MIDEAS: variants seen among roughly 807,000 people sequenced by gnomAD.
The protein encoded by MIDEAS is mitotic deacetylase-associated SANT domain protein.
MIDEAS carries 26 observed loss-of-function variants against 102.7 expected under a neutral mutation model. The ratio of observed to expected loss-of-function variants is 0.25; its 90% CI spans 0.19 to 0.35. MIDEAS has a LOEUF of 0.35. MIDEAS is among the 10% of genes least tolerant of loss of function. The probability of loss-of-function intolerance (pLI) is 1.00; values close to 1 mark genes in which losing one functional copy is unlikely to be tolerated. For synonymous variants in MIDEAS, 585 were observed against 591.0 expected, an observed-to-expected ratio of 0.99 and a Z score of 0.15; for missense variants, 1,231 against 1,435.6, an observed-to-expected ratio of 0.86 and a Z score of 2.30.
chr14:73,779,570 A>T lies in MIDEAS; in HGVS notation c.-248+7532T>A, dbSNP rs1199764822. On this transcript the variant is annotated intron_variant, in intron 1 of 11. Transcript: ENST00000394071. ...TTTTAATTTGTTTATTATTATTATT[A>T]TTATTTTTTTTTTTTTTTGAGACGG... 8.5e-3 allele frequency among the ~76,000 whole-genome samples: 509 copies of T among 60,120 alleles called. 6 individuals are homozygous for T. Among genetic ancestry groups the T allele is most frequent in the Middle Eastern group, 0.029 (3 of 102 alleles). 39.4% of individuals were successfully genotyped at this position (60,120 alleles called of 152,430 possible).
chr14:73,752,144 G>A (rs1232660412), intron 1 of MIDEAS, among the ~76,000 whole-genome samples: 1 of 152,004 alleles, frequency 6.6e-6, no homozygotes, highest in Admixed American at 6.6e-5. Context: ...TATATTCATC[G>A]CACATCCCGA....
At position 73,746,088 on chromosome 14, in the gene MIDEAS, G is replaced by C. The variant is rs1030651342; in HGVS notation, c.-247-5833C>G. Among the ~76,000 whole-genome samples the C allele has an allele frequency of 3.3e-5, 5 of 152,216 alleles. No homozygotes were observed. The East Asian group carries it at 9.6e-4, about 29-fold the overall frequency. On this transcript the variant is annotated intron_variant, in intron 1 of 12. Coordinates refer to ENST00000423556, the MANE Select transcript of MIDEAS (RefSeq NM_001367710.1). ...TTACACAGTAAAAATGCCAACCACT[G>C]AGATGCTTTTAAAGGGATGTGTAAG...
At chr14:73,745,758 C>T (rs529726535) in intron 1 of MIDEAS, among the ~76,000 whole-genome samples, 1 of 152,362 alleles carries the variant, frequency 6.6e-6, no homozygotes, top group South Asian at 2.1e-4. Context: ...CTGCAAGCCA[C>T]TGGACACATA....
At chr14:73,727,310 G>A (rs1272391867) in intron 5 of MIDEAS, 148 bp downstream of exon 5, 6 of 834,258 alleles carry the variant, frequency 7.2e-6, no homozygotes, top group Non-Finnish European at 1.9e-6. Flanking sequence ...GGACAGCAAA[G>A]CCCAGGGCCA....
intron 1 of MIDEAS, among the ~76,000 whole-genome samples, chr14:73,776,345 G>A (rs149256275): frequency 1.4e-4 from 21 of 151,944 alleles, no homozygotes; most frequent in Middle Eastern, 6.8e-3. Context: ...AAAGCTCAGC[G>A]GGAGGCTAAG....
chr14:73,754,351 C>T (rs1321544548), intron 1 of MIDEAS, among the ~76,000 whole-genome samples: 3 of 152,210 alleles, frequency 2.0e-5, no homozygotes, highest in Non-Finnish European at 4.4e-5. Flanking sequence ...ATCCAGCCTC[C>T]CAACCACAGG....
At chr14:73,719,655 C>CATTG (rs1173040996) in intron 11 of MIDEAS, among the ~76,000 whole-genome samples, 154 bp from the exon 12 acceptor site, 1 of 151,698 alleles carries the variant, frequency 6.6e-6, no homozygotes, top group Non-Finnish European at 1.5e-5. Context: ...ATATGACGAC[C>CATTG]ATTGCCTCCT....
At chr14:73,731,263 T>G (rs1243644684) in intron 3 of MIDEAS, among the ~76,000 whole-genome samples, 1 of 152,230 alleles carries the variant, frequency 6.6e-6, no homozygotes, top group Non-Finnish European at 1.5e-5. Flanking sequence ...CAGGTAAGGT[T>G]GGCCATGTTG....
In MIDEAS at chr14:73,715,194, A is replaced by T. The variant is rs946534435; in HGVS notation, c.*3649T>A. On this transcript the variant is annotated 3_prime_UTR_variant, in exon 13 of 13. Transcript: ENST00000423556. ...ACATTCAAAAGTAAATAAGTTACAT[A>T]GGTACATTACAATCACATCAGCAAG... 6.5e-6 allele frequency: 1 copy of T among 152,680 alleles called. No individual in the cohort carries two copies. Among genetic ancestry groups the T allele is most frequent in the African/African-American group, 2.4e-5 (1 of 41,468 alleles). The allele number at this position is 152,680 out of a possible 1,614,324, so 9.5% of individuals were successfully genotyped here. A position where few individuals can be genotyped will look rare whatever the true frequency, so the allele number is the denominator to read the frequency against.
Position 73,718,759 on chromosome 14 carries a change from C to T in MIDEAS, c.*84G>A. 2 of 1,299,594 alleles carry T rather than the reference C, an allele frequency of 1.5e-6. No individual in the cohort carries two copies. Among genetic ancestry groups the T allele is most frequent in the Non-Finnish European group, 2.0e-6 (2 of 1,014,860 alleles). The allele number at this position is 1,299,594 out of a possible 1,614,324, so 80.5% of individuals were successfully genotyped here. ...CCCTGCAATCCTCTCCTCACTCCCT[C>T]TTGAGATGCCAGGGTGTCTGCGGGC... On this transcript the variant is annotated 3_prime_UTR_variant, in exon 13 of 13. Transcript: ENST00000423556.
Position 73,737,948 on chromosome 14 carries a change from A to T in MIDEAS, c.1449+612T>A, listed in dbSNP as rs753706567. On this transcript the variant is annotated intron_variant, in intron 2 of 12. Transcript: ENST00000423556. ...AGGCGTGCAGTACCACACCTGGCTAATTTTTGTGTTTTTTGGTAGAGATAG... is the reference window on the plus strand; with the variant it reads ...AGGCGTGCAGTACCACACCTGGCTATTTTTTGTGTTTTTTGGTAGAGATAG... Among the ~76,000 whole-genome samples, 105 of 150,126 alleles carry T rather than the reference A, an allele frequency of 7.0e-4. 1 individual carries two copies. The highest frequency in any genetic ancestry group is 1.1e-3 in the Non-Finnish European group (75 of 67,850).
upstream of MIDEAS, among the ~76,000 whole-genome samples, chr14:73,764,645 C>T (rs1472774771): frequency 4.6e-5 from 7 of 152,340 alleles, no homozygotes; most frequent in South Asian, 1.5e-3. Flanking sequence ...ACCGCGAGCT[C>T]ACAACCACCC....
intron 1 of MIDEAS, among the ~76,000 whole-genome samples, chr14:73,748,570 C>T (rs2053382050): frequency 6.6e-6 from 1 of 151,050 alleles, no homozygotes; most frequent in Non-Finnish European, 1.5e-5. Flanking sequence ...AAAAGAGATA[C>T]CATTGTAAAC....
Position 73,718,571 on chromosome 14 carries a change from C to T in MIDEAS, c.*272G>A. The T allele has an allele frequency of 3.1e-6, 1 of 318,222 alleles. No homozygotes were observed. Among genetic ancestry groups the T allele is most frequent in the Non-Finnish European group, 5.7e-6 (1 of 175,946 alleles). The allele number at this position is 318,222 out of a possible 1,614,324, so 19.7% of individuals were successfully genotyped here. ...GTGTGAGAGGCGGTGGAGTCCCTCC[C>T]GAGGGGACCGGGACTCTCCCGGTCC... is the stretch of plus-strand genomic sequence containing the variant. On this transcript the variant is annotated 3_prime_UTR_variant, in exon 13 of 13. Transcript: ENST00000423556.
At chr14:73,778,741 C>T (rs1461260623) in intron 1 of MIDEAS, among the ~76,000 whole-genome samples, 1 of 152,030 alleles carries the variant, frequency 6.6e-6, no homozygotes, top group Non-Finnish European at 1.5e-5. Flanking sequence ...TGCCCTCTCC[C>T]AGCCCCACAC....
In MIDEAS at chr14:73,715,685, G is replaced by A. The variant is rs1043566993; in HGVS notation, c.*3158C>T. On this transcript the variant is annotated 3_prime_UTR_variant, in exon 13 of 13. Transcript: ENST00000423556. Reference sequence around the variant, plus strand: ...ATAATAAATACCGTCCCAGAAAAGCGAGCCCCAGTGAAAACAACTAAACAG... The same window carrying A: ...ATAATAAATACCGTCCCAGAAAAGCAAGCCCCAGTGAAAACAACTAAACAG... 1.3e-5 allele frequency: 2 copies of A among 152,552 alleles called. No individual in the cohort carries two copies. Among genetic ancestry groups the A allele is most frequent in the African/African-American group, 2.4e-5 (1 of 41,430 alleles). The allele number at this position is 152,552 out of a possible 1,614,324, so 9.4% of individuals were successfully genotyped here.
chr14:73,739,663 C>A lies in MIDEAS; in HGVS notation c.346G>T (p.Val116Phe). The change falls in exon 2 of 13, where the codon GTC (valine) becomes TTC (phenylalanine). Residue 116 changes from valine (V) to phenylalanine (F), a missense_variant. By Grantham distance (50) the Val-to-Phe change is conservative. Coordinates refer to ENST00000423556, the MANE Select transcript of MIDEAS (RefSeq NM_001367710.1). ...RGPERGGGGGVSDSSWQQQPG... is the reference protein window; with the variant it reads ...RGPERGGGGGFSDSSWQQQPG... ...TGCTGCTGCCAGCTGCTGTCACTGA[C>A]ACCCCCACCTCCTCCACGCTCCGGG... 1 of 1,613,802 alleles carries A rather than the reference C, an allele frequency of 6.2e-7. No individual in the cohort carries two copies. The highest frequency in any genetic ancestry group is 8.5e-7 in the Non-Finnish European group (1 of 1,179,912).
chr14:73,752,839 A>G (rs1381570173), intron 1 of MIDEAS, among the ~76,000 whole-genome samples: 1 of 152,238 alleles, frequency 6.6e-6, no homozygotes, highest in African/African-American at 2.4e-5. Flanking sequence ...ATACACCCAG[A>G]GGCCTTTGGC....
intron 3 of MIDEAS, 129 bp downstream of exon 3, chr14:73,736,869 A>C (rs2053206859): frequency 1.0e-6 from 1 of 987,190 alleles, no homozygotes; most frequent in East Asian, 2.6e-5. Context: ...TTGGTTTGGA[A>C]AATAAAAATA....
Sources: gnomAD v4.1 joint callset for allele counts (sites outside exome capture counted in the v4.1 genomes callset) on GRCh38, gnomAD v4.1.1 for gene constraint, MANE v1.5 for transcripts, NCBI Gene and HGNC (gene_info 2026-07-23, HGNC 2026-07-21) for gene names.